RIMS1: variants seen among roughly 807,000 people sequenced by gnomAD.
The protein encoded by RIMS1 is regulating synaptic membrane exocytosis 1.
Under a neutral mutation model 214.1 loss-of-function variants are expected in RIMS1, and 83 were observed. That is an observed-to-expected ratio of 0.39 (90% CI 0.32 to 0.47). The LOEUF (loss-of-function observed/expected upper bound fraction) is 0.47, where lower values mean the gene tolerates loss of function less well. Ranked by LOEUF, RIMS1 falls within the 20% of genes least tolerant of loss-of-function variation. RIMS1 has a pLI of 0.99. For synonymous variants in RIMS1, 793 were observed against 786.8 expected (o/e 1.01, Z -0.13); for missense variants, 2,050 against 2,161.8 (o/e 0.95, Z 1.03).
At chr6:72,107,450 A>T (rs1386805421) in intron 4 of RIMS1, among the ~76,000 whole-genome samples, 1 of 152,108 alleles carries the variant, frequency 6.6e-6, no homozygotes, top group African/African-American at 2.4e-5. Flanking sequence ...ACTACCAGCT[A>T]CTTGGGAGGC....
At chr6:72,251,182 G>A in intron 14 of RIMS1, 33 bp from the exon 15 acceptor site, 5 of 1,574,682 alleles carry the variant, frequency 3.2e-6, no homozygotes, top group East Asian at 4.7e-5. Flanking sequence ...TTTGATAAAG[G>A]TACTTGATTT....
In RIMS1 at chr6:72,260,690, A is replaced by G. The variant is rs769338819; in HGVS notation, c.3054-15A>G. 2.5e-6 allele frequency: 4 copies of G among 1,611,820 alleles called. No homozygotes were observed. Among genetic ancestry groups the G allele is most frequent in the East Asian group, 2.2e-5 (1 of 44,824 alleles). ...AATTTATCTGTTTCACTCACCACCC[A>G]TCCTGTCTGTGCAGTGAGCTTCTTA... On this transcript the variant is annotated splice_polypyrimidine_tract_variant and intron_variant, in intron 18 of 33. Transcript: ENST00000521978.
At chr6:72,083,159 G>T (rs1305483069) in intron 2 of RIMS1, among the ~76,000 whole-genome samples, 1 of 152,010 alleles carries the variant, frequency 6.6e-6, no homozygotes, top group Non-Finnish European at 1.5e-5. Flanking sequence ...TATTAAACAT[G>T]AAAAGGAAAA....
At chr6:72,022,754 A>C (rs1180677360) in intron 2 of RIMS1, among the ~76,000 whole-genome samples, 1 of 152,124 alleles carries the variant, frequency 6.6e-6, no homozygotes, top group East Asian at 1.9e-4. Flanking sequence ...GACTCTCTCT[A>C]TCTGAAAACT....
chr6:72,196,376 T>C (rs1194047939), intron 6 of RIMS1, among the ~76,000 whole-genome samples: 2 of 111,352 alleles, frequency 1.8e-5, no homozygotes, highest in African/African-American at 7.6e-5. Context: ...TCTGTCTGTC[T>C]GTCTATCTAT....
intron 22 of RIMS1, among the ~76,000 whole-genome samples, chr6:72,274,035 G>T (rs74543374): frequency 0.024 from 3,601 of 152,068 alleles, 73 homozygotes; most frequent in Non-Finnish European, 0.035. Flanking sequence ...ATTAATATTT[G>T]TATATTTATA....
rs181031545 is a variant in RIMS1 at position 72,237,466 on chromosome 6, G to T, written c.1858-357G>T. 8.3e-4 allele frequency among the ~76,000 whole-genome samples: 126 copies of T among 152,110 alleles called. 1 individual carries two copies. In the East Asian group the frequency reaches 0.021, roughly 25 times the overall value. ...GAGGCAGGAGGACTGCTTGAGCCCG[G>T]GAGTTCAAGATCAGTCTGGGCAACA... is the stretch of plus-strand genomic sequence containing the variant. On this transcript the variant is annotated intron_variant, in intron 8 of 33. Coordinates refer to ENST00000521978, the MANE Select transcript of RIMS1 (RefSeq NM_014989.7).
intron 2 of RIMS1, among the ~76,000 whole-genome samples, chr6:72,090,117 A>G (rs1180918631): frequency 2.6e-5 from 4 of 151,920 alleles, no homozygotes; most frequent in South Asian, 4.2e-4. Context: ...ACACGTATAC[A>G]TATGTAACTA....
chr6:72,385,235 G>A (rs751788146), intron 29 of RIMS1, among the ~76,000 whole-genome samples: 3 of 151,972 alleles, frequency 2.0e-5, no homozygotes, highest in Admixed American at 6.6e-5. Context: ...AATAACGATG[G>A]CATTCCTAAA....
chr6:72,023,973 C>A (rs921256101), intron 2 of RIMS1, among the ~76,000 whole-genome samples: 1 of 151,996 alleles, frequency 6.6e-6, no homozygotes, highest in African/African-American at 2.4e-5. Flanking sequence ...AAAGACATGT[C>A]CATCTAGGAG....
chr6:72,355,187 A>G (rs1215030780), intron 29 of RIMS1, among the ~76,000 whole-genome samples: 1 of 152,198 alleles, frequency 6.6e-6, no homozygotes, highest in African/African-American at 2.4e-5. Context: ...AAAGGGACAT[A>G]CAACTATCTT....
At chr6:72,340,278 C>G (rs1266399792) in intron 29 of RIMS1, among the ~76,000 whole-genome samples, 1 of 151,816 alleles carries the variant, frequency 6.6e-6, no homozygotes, top group Non-Finnish European at 1.5e-5. Context: ...TGCAGAAGCT[C>G]TTTAGTTTAA....
intron 6 of RIMS1, among the ~76,000 whole-genome samples, chr6:72,233,135 G>A (rs769092687): frequency 6.6e-6 from 1 of 151,650 alleles, no homozygotes; most frequent in Non-Finnish European, 1.5e-5. Context: ...TTTCTCAGAT[G>A]CCTTCTTTAG....
At chr6:72,397,541 G>A (rs2098792867) in intron 31 of RIMS1, among the ~76,000 whole-genome samples, 1 of 152,108 alleles carries the variant, frequency 6.6e-6, no homozygotes, top group African/African-American at 2.4e-5. Flanking sequence ...GGAATTTTTG[G>A]ATGTCCATAC....
At chr6:72,207,011 A>C (rs2053042302) in intron 6 of RIMS1, among the ~76,000 whole-genome samples, 1 of 152,224 alleles carries the variant, frequency 6.6e-6, no homozygotes, top group Non-Finnish European at 1.5e-5. Context: ...TTATATCTTG[A>C]CACAAAGTTC....
At chr6:71,928,656 T>C (rs1236318543) in intron 1 of RIMS1, among the ~76,000 whole-genome samples, 1 of 152,108 alleles carries the variant, frequency 6.6e-6, no homozygotes, top group Non-Finnish European at 1.5e-5. Context: ...AGCTAATACT[T>C]TTTTTCTTCA....
intron 4 of RIMS1, among the ~76,000 whole-genome samples, chr6:72,113,520 C>G (rs890795415): frequency 6.6e-6 from 1 of 152,050 alleles, no homozygotes; most frequent in African/African-American, 2.4e-5. Flanking sequence ...AATAGTAGCC[C>G]TCTGCCAATT....
At chr6:71,909,440 GAAT>G (rs1170869548) in intron 1 of RIMS1, among the ~76,000 whole-genome samples, 1 of 152,090 alleles carries the variant, frequency 6.6e-6, no homozygotes, top group Non-Finnish European at 1.5e-5. Context: ...TTGACTCTCT[GAAT>G]TCTGTGGGGC....
intron 26 of RIMS1, among the ~76,000 whole-genome samples, chr6:72,300,712 T>C (rs1209001805): frequency 1.3e-5 from 2 of 151,778 alleles, no homozygotes; most frequent in Non-Finnish European, 1.5e-5. Flanking sequence ...GGACAAGATA[T>C]ATAACAAATT....
Sources: gnomAD v4.1 joint callset for allele counts (sites outside exome capture counted in the v4.1 genomes callset) on GRCh38, gnomAD v4.1.1 for gene constraint, MANE v1.5 for transcripts, NCBI Gene and HGNC (gene_info 2026-07-23, HGNC 2026-07-21) for gene names.